Variants in PIGU observed in about 807,000 individuals in gnomAD.
The protein encoded by PIGU is GPI-anchor transamidase component PIGU.
A neutral mutation model predicts 49.9 loss-of-function variants in PIGU; 24 were observed. The observed-to-expected ratio is 0.48, with a 90% CI of 0.35 to 0.68. PIGU has a LOEUF of 0.68. Ranked by LOEUF, PIGU falls within the 30% of genes least tolerant of loss-of-function variation. The pLI, the probability that PIGU is intolerant of heterozygous loss-of-function variation, is 0.01. For synonymous variants in PIGU, 220 were observed against 205.7 expected, an observed-to-expected ratio of 1.07 and a Z score of -0.59; for missense variants, 490 against 532.6, an observed-to-expected ratio of 0.92 and a Z score of 0.79.
intron 7 of PIGU, among the ~76,000 whole-genome samples, chr20:34,593,514 C>T (rs990183496): frequency 3.9e-5 from 6 of 152,038 alleles, no homozygotes; most frequent in African/African-American, 1.4e-4. Context: ...AATATTGGCT[C>T]GTTAATAGAG....
intron 2 of PIGU, among the ~76,000 whole-genome samples, chr20:34,650,698 C>CCCCTTTTTTT (rs1986507102): frequency 4.6e-5 from 2 of 43,950 alleles, no homozygotes; most frequent in Admixed American, 2.4e-4. Flanking sequence ...TTCTTTTTTT[C>CCCCTTTTTTT]TCTTTTTTTT....
At chr20:34,570,112 A>G (rs1041153771) in intron 11 of PIGU, among the ~76,000 whole-genome samples, 3 of 152,262 alleles carry the variant, frequency 2.0e-5, no homozygotes, top group African/African-American at 4.8e-5. Context: ...GTAGTTACAT[A>G]AAGTGTGGTG....
intron 4 of PIGU, among the ~76,000 whole-genome samples, chr20:34,642,055 A>T (rs1336350188): frequency 6.6e-6 from 1 of 152,140 alleles, no homozygotes; most frequent in Non-Finnish European, 1.5e-5. Flanking sequence ...AAAACCCAAA[A>T]ATCTCTATAT....
In PIGU at chr20:34,647,450, C is replaced by T. The variant is rs1289479991; in HGVS notation, c.196-2116G>A. On this transcript the variant is annotated intron_variant, in intron 2 of 11. Coordinates refer to ENST00000217446, the MANE Select transcript of PIGU (RefSeq NM_080476.5). ...CTAATTTTTGTATTTTTAGTACAGA[C>T]GGGGTTTCACCATCTCGGCCAGGCT... Among the ~76,000 whole-genome samples the T allele has an allele frequency of 6.0e-5, 9 of 150,012 alleles. No homozygotes were observed. In the East Asian group the frequency reaches 1.8e-3, roughly 30 times the overall value.
chr20:34,629,055 C>A (rs573097986), intron 6 of PIGU, among the ~76,000 whole-genome samples: 3 of 149,936 alleles, frequency 2.0e-5, no homozygotes, highest in African/African-American at 4.9e-5. Flanking sequence ...CTCGCTCTGT[C>A]GCCCAGGCTG....
chr20:34,604,806 T>C (rs150051213), intron 7 of PIGU, among the ~76,000 whole-genome samples: 112 of 152,286 alleles, frequency 7.4e-4, no homozygotes, highest in Non-Finnish European at 1.4e-3. Context: ...GATTAACGTT[T>C]TCAGTTCAAA....
intron 2 of PIGU, among the ~76,000 whole-genome samples, chr20:34,646,830 CTT>C (rs35002457): frequency 6.7e-6 from 1 of 148,502 alleles, no homozygotes. Flanking sequence ...CTTTTCTTTT[CTT>C]TTTTTTTTGA....
rs564481768 is a variant in PIGU at position 34,641,066 on chromosome 20, A to G, written c.319-3081T>C. Reference sequence around the variant, plus strand: ...CCACCACCGCGCCCGGCTAATTTTTATATTTTTAGTAGAGACGGGCTTTCA... The same window carrying G: ...CCACCACCGCGCCCGGCTAATTTTTGTATTTTTAGTAGAGACGGGCTTTCA... On this transcript the variant is annotated intron_variant, in intron 4 of 11. Coordinates refer to ENST00000217446, the MANE Select transcript of PIGU (RefSeq NM_080476.5). 1.4e-4 allele frequency among the ~76,000 whole-genome samples: 21 copies of G among 151,796 alleles called. No homozygotes were observed. In the South Asian group the frequency reaches 2.9e-3, roughly 21 times the overall value.
intron 7 of PIGU, 38 bp downstream of exon 7, chr20:34,616,004 G>A: frequency 6.3e-7 from 1 of 1,578,154 alleles, no homozygotes; most frequent in Non-Finnish European, 8.6e-7. Flanking sequence ...TGTATTAAAT[G>A]TCACTTGGGT....
intron 4 of PIGU, among the ~76,000 whole-genome samples, chr20:34,638,761 G>A (rs1986050449): frequency 6.6e-6 from 1 of 152,176 alleles, no homozygotes. Flanking sequence ...GGAGTGGGAT[G>A]GGGGTGGAAA....
intron 4 of PIGU, among the ~76,000 whole-genome samples, chr20:34,641,888 A>G (rs1004689258): frequency 6.6e-6 from 1 of 152,186 alleles, no homozygotes; most frequent in Non-Finnish European, 1.5e-5. Context: ...GAAGAAACCT[A>G]ATGTTCTAAT....
At chr20:34,565,037 G>A (rs999423596) in intron 11 of PIGU, among the ~76,000 whole-genome samples, 4 of 152,240 alleles carry the variant, frequency 2.6e-5, no homozygotes, top group African/African-American at 9.6e-5. Context: ...GAGGAGAGCA[G>A]GGATTTCCCA....
At chr20:34,643,555 TG>T (rs1986235483) in intron 4 of PIGU, 1 of 152,218 alleles carries the variant, frequency 6.6e-6, no homozygotes, top group Non-Finnish European at 1.5e-5. Context: ...TTTAACTACA[TG>T]GGTAGTACAC....
At chr20:34,645,414 AAAACTATTATGTCAGC>A in intron 2 of PIGU, 80 bp from the exon 3 acceptor site, 1 of 1,439,994 alleles carries the variant, frequency 6.9e-7, no homozygotes, top group Non-Finnish European at 9.1e-7. Context: ...GAGTGGGGAG[AAAACTATTATGTCAGC>A]AAACTATTAT....
chr20:34,664,974 C>T (rs911524928), intron 1 of PIGU, among the ~76,000 whole-genome samples: 1 of 151,620 alleles, frequency 6.6e-6, no homozygotes, highest in Non-Finnish European at 1.5e-5. Flanking sequence ...AGCCAGACCC[C>T]GTCTCAAAAA....
intron 4 of PIGU, among the ~76,000 whole-genome samples, chr20:34,639,293 C>T (rs1242665853): frequency 1.3e-5 from 2 of 151,884 alleles, no homozygotes; most frequent in African/African-American, 2.4e-5. Flanking sequence ...CCCAGCTACT[C>T]GGGAGGCTGA....
At chr20:34,575,442 T>C (rs371675433) in intron 10 of PIGU, among the ~76,000 whole-genome samples, 196 bp from the exon 11 acceptor site, 132 of 152,258 alleles carry the variant, frequency 8.7e-4, no homozygotes, top group African/African-American at 3.0e-3. Context: ...CCACAGCTGG[T>C]GGTAGCTCCT....
intron 10 of PIGU, among the ~76,000 whole-genome samples, chr20:34,576,526 C>G (rs1983241346): frequency 6.6e-6 from 1 of 152,196 alleles, no homozygotes; most frequent in Non-Finnish European, 1.5e-5. Context: ...TTCATGACCC[C>G]CTTCCAGCTG....
At chr20:34,632,924 G>T (rs1411664973) in intron 6 of PIGU, among the ~76,000 whole-genome samples, 2 of 115,996 alleles carry the variant, frequency 1.7e-5, no homozygotes, top group African/African-American at 3.2e-5. Flanking sequence ...GTTGTTAAAA[G>T]AAAAAAAAAA....
Sources: allele counts gnomAD v4.1 joint callset (sites outside exome capture counted in the v4.1 genomes callset), GRCh38; gene constraint gnomAD v4.1.1; transcripts MANE v1.5; gene names NCBI Gene and HGNC (gene_info 2026-07-23, HGNC 2026-07-21).